Variants in LCA5 observed in about 807,000 individuals in gnomAD.
LCA5 encodes lebercilin.
In LCA5, 37 loss-of-function variants were observed where a neutral mutation model predicts 53.0. The ratio of observed to expected loss-of-function variants is 0.70; its 90% confidence interval spans 0.54 to 0.92. The LOEUF is 0.92. Among genes scored for constraint, LCA5 ranks in the 40% least tolerant of loss-of-function variants. LCA5 has a pLI of 0.00. For synonymous variants in LCA5, 303 were observed against 282.9 expected (o/e 1.07, Z -0.71); for missense variants, 806 against 790.5 (o/e 1.02, Z -0.23).
chr6:79,500,128 G>A (rs981778816), intron 3 of LCA5, among the ~76,000 whole-genome samples: 1 of 151,898 alleles, frequency 6.6e-6, no homozygotes, highest in African/African-American at 2.4e-5. Flanking sequence ...CCAAGTCTTT[G>A]CTATTGTGAA....
intron 3 of LCA5, among the ~76,000 whole-genome samples, chr6:79,501,842 T>C (rs971509302): frequency 6.6e-6 from 1 of 151,366 alleles, no homozygotes; most frequent in African/African-American, 2.4e-5. Context: ...TATATAGAGT[T>C]CTATAACTGT....
Position 79,486,991 on chromosome 6 carries a change from A to G in LCA5, c.*13T>C, listed in dbSNP as rs1554190983. On this transcript the variant is annotated 3_prime_UTR_variant, in exon 8 of 8. Coordinates refer to ENST00000369846, the MANE Select transcript of LCA5 (RefSeq NM_001122769.3). Reference sequence around the variant, plus strand: ...CAATATTTACAATTAGAAAAAATGTATACTCTAGTCAGTCATCTCAGTGCT... The same window carrying G: ...CAATATTTACAATTAGAAAAAATGTGTACTCTAGTCAGTCATCTCAGTGCT... 1.2e-6 allele frequency: 2 copies of G among 1,601,930 alleles called. No homozygotes were observed. The highest frequency in any genetic ancestry group is 1.7e-6 in the Non-Finnish European group (2 of 1,171,916).
At chr6:79,496,191 C>G (rs1197174372) in intron 3 of LCA5, among the ~76,000 whole-genome samples, 1 of 152,160 alleles carries the variant, frequency 6.6e-6, no homozygotes, top group East Asian at 1.9e-4. Flanking sequence ...TACAAAATGG[C>G]AAGGATGAGT....
intron 3 of LCA5, among the ~76,000 whole-genome samples, chr6:79,508,717 TA>T (rs2127677054): frequency 6.6e-6 from 1 of 152,248 alleles, no homozygotes; most frequent in South Asian, 2.1e-4. Flanking sequence ...ACTAAGATTT[TA>T]CTGTAATTTC....
chr6:79,532,311 G>T (rs1268453078), intron 1 of LCA5, among the ~76,000 whole-genome samples: 1 of 152,108 alleles, frequency 6.6e-6, no homozygotes, highest in Non-Finnish European at 1.5e-5. Context: ...ATAACCTCCT[G>T]ATATTCCACT....
intron 7 of LCA5, 84 bp from the exon 8 acceptor site, chr6:79,487,950 C>T (rs1169604199): frequency 4.7e-6 from 5 of 1,054,598 alleles, no homozygotes; most frequent in African/African-American, 3.2e-5. Flanking sequence ...CATAAAACCA[C>T]CATATTTAAT....
At chr6:79,507,626 ACACCTGAATGTGTGTT>A (rs1770304477) in intron 3 of LCA5, among the ~76,000 whole-genome samples, 1 of 152,112 alleles carries the variant, frequency 6.6e-6, no homozygotes, top group African/African-American at 2.4e-5. Context: ...TACGGCAGAC[ACACCTGAATGTGTGTT>A]CACAGTTCCA....
chr6:79,492,808 C>T (rs1769881076), intron 4 of LCA5, among the ~76,000 whole-genome samples, 161 bp from the exon 5 acceptor site: 1 of 151,944 alleles, frequency 6.6e-6, no homozygotes. Context: ...CTCTAGCATA[C>T]TGAGGTTAGG....
chr6:79,522,937 G>A (rs1286008417), intron 1 of LCA5, among the ~76,000 whole-genome samples: 1 of 151,240 alleles, frequency 6.6e-6, no homozygotes, highest in Non-Finnish European at 1.5e-5. Context: ...TTATCTTTTA[G>A]AGATATATGT....
chr6:79,489,443 G>C (rs1307372482), intron 6 of LCA5, among the ~76,000 whole-genome samples: 2 of 152,046 alleles, frequency 1.3e-5, no homozygotes, highest in Non-Finnish European at 2.9e-5. Flanking sequence ...AGATGTACTA[G>C]AACCAGTATA....
intron 3 of LCA5, among the ~76,000 whole-genome samples, chr6:79,510,369 G>A (rs538501490): frequency 1.1e-4 from 17 of 152,200 alleles, no homozygotes; most frequent in African/African-American, 3.6e-4. Context: ...AATGAATCAT[G>A]GACTTAAGTG....
intron 1 of LCA5, among the ~76,000 whole-genome samples, chr6:79,526,979 AAAGGACTTCT>A (rs1766810660): frequency 6.6e-6 from 1 of 152,152 alleles, no homozygotes; most frequent in Non-Finnish European, 1.5e-5. Flanking sequence ...CCTTAGGTTA[AAAGGACTTCT>A]AACTCAAACT....
At chr6:79,509,019 T>G (rs983501623) in intron 3 of LCA5, among the ~76,000 whole-genome samples, 25 of 152,048 alleles carry the variant, frequency 1.6e-4, no homozygotes, top group African/African-American at 5.8e-4. Flanking sequence ...GAGGCTGCAT[T>G]TAGGAAGTAT....
chr6:79,526,726 T>C (rs1200094536), intron 1 of LCA5, among the ~76,000 whole-genome samples: 7 of 151,454 alleles, frequency 4.6e-5, no homozygotes, highest in Admixed American at 4.6e-4. Context: ...ATAAAAAGAG[T>C]AAATCAAACT....
intron 3 of LCA5, among the ~76,000 whole-genome samples, chr6:79,507,707 C>T (rs895894677): frequency 6.6e-6 from 1 of 152,152 alleles, no homozygotes; most frequent in Non-Finnish European, 1.5e-5. Flanking sequence ...ATCTGAGTCC[C>T]TGGCCTGTCC....
At chr6:79,530,497 C>G (rs1766926601) in intron 1 of LCA5, among the ~76,000 whole-genome samples, 1 of 152,116 alleles carries the variant, frequency 6.6e-6, no homozygotes. Flanking sequence ...ACATGTACCC[C>G]TGAACTTAAA....
intron 6 of LCA5, among the ~76,000 whole-genome samples, chr6:79,490,071 G>A (rs1769795201): frequency 1.3e-5 from 2 of 152,186 alleles, no homozygotes; most frequent in South Asian, 4.1e-4. Flanking sequence ...AAGACAGGGG[G>A]TGACTACCAT....
chr6:79,522,231 T>C (rs779102061), intron 1 of LCA5, among the ~76,000 whole-genome samples: 1 of 152,006 alleles, frequency 6.6e-6, no homozygotes, highest in Non-Finnish European at 1.5e-5. Context: ...AAATAAAATA[T>C]TAAAATGACA....
chr6:79,507,903 T>A (rs1193436551), intron 3 of LCA5, among the ~76,000 whole-genome samples: 1 of 152,180 alleles, frequency 6.6e-6, no homozygotes, highest in Non-Finnish European at 1.5e-5. Context: ...CAAGTTACCC[T>A]CAGTAAACCT....
Sources: allele counts gnomAD v4.1 joint callset (sites outside exome capture counted in the v4.1 genomes callset), GRCh38; gene constraint gnomAD v4.1.1; transcripts MANE v1.5; gene names NCBI Gene and HGNC (gene_info 2026-07-23, HGNC 2026-07-21).